The following DAB1 variants were observed in gnomAD, a reference collection of about 807,000 sequenced individuals.
DAB1 encodes the protein DAB adaptor protein 1.
DAB1 carries 15 observed loss-of-function variants against 64.6 expected under a neutral mutation model. That is an observed-to-expected ratio of 0.23 (90% confidence interval 0.16 to 0.36). DAB1 has a LOEUF of 0.36. Among genes scored for constraint, DAB1 ranks in the 10% least tolerant of loss-of-function variants. The pLI is 1.00. For missense variants in DAB1, 596 were observed against 706.7 expected (o/e 0.84, Z 1.78); for synonymous variants, 235 against 251.9 (o/e 0.93, Z 0.64).
At chr1:57,427,205 G>A (rs992237989), upstream of DAB1, among the ~76,000 whole-genome samples, 19 of 152,056 alleles carry the variant, frequency 1.2e-4, 1 homozygote, top group Non-Finnish European at 8.8e-5. Flanking sequence ...TCAGTCACCT[G>A]GTAAACATTG....
chr1:57,499,579 T>A lies in DAB1; in HGVS notation n.625+150013A>T, dbSNP rs527707073. On this transcript the variant is annotated intron_variant and non_coding_transcript_variant, in intron 7 of 20. Transcript: ENST00000485760. ...ACACCATGGAAAAGATTGGTTGAGT[T>A]TGTCCCGGACTGGTGTTTTTCTAGA... Among the ~76,000 whole-genome samples, 6 of 152,270 alleles carry A rather than the reference T, an allele frequency of 3.9e-5. No homozygotes were observed. In the South Asian group the frequency reaches 8.3e-4, roughly 21 times the overall value.
chr1:58,087,451 G>C (rs914630756), intron 5 of DAB1, among the ~76,000 whole-genome samples: 2 of 152,186 alleles, frequency 1.3e-5, no homozygotes, highest in Non-Finnish European at 2.9e-5. Flanking sequence ...TCAGCCAAAC[G>C]TGGCCCTTTT....
intron 6 of DAB1, among the ~76,000 whole-genome samples, chr1:57,729,778 T>C (rs903163396): frequency 6.6e-6 from 1 of 152,184 alleles, no homozygotes; most frequent in Non-Finnish European, 1.5e-5. Flanking sequence ...AAGAACCTTA[T>C]GTCCAGGCAT....
chr1:58,300,572 G>C (rs1338068424), intron 4 of DAB1, among the ~76,000 whole-genome samples: 1 of 13,912 alleles, frequency 7.2e-5, no homozygotes, highest in Non-Finnish European at 1.4e-4. Context: ...AAGAAAGAAA[G>C]AAAGAAAGAA....
At chr1:58,460,663 T>G (rs1175746792) in intron 3 of DAB1, among the ~76,000 whole-genome samples, 2 of 152,176 alleles carry the variant, frequency 1.3e-5, no homozygotes, top group Admixed American at 6.5e-5. Context: ...TTCCCACGCA[T>G]GTGTGTAGCT....
intron 2 of DAB1, among the ~76,000 whole-genome samples, chr1:57,289,448 C>T (rs974662199): frequency 6.6e-6 from 1 of 152,188 alleles, no homozygotes; most frequent in Non-Finnish European, 1.5e-5. Flanking sequence ...CTTTCACCCA[C>T]TTACTTTCTT....
chr1:58,080,676 G>C (rs1192489821), intron 5 of DAB1, among the ~76,000 whole-genome samples: 1 of 152,228 alleles, frequency 6.6e-6, no homozygotes, highest in Non-Finnish European at 1.5e-5. Context: ...AGCAGAGCTA[G>C]TTTTGTCTTG....
downstream of DAB1, among the ~76,000 whole-genome samples, chr1:57,824,019 A>G (rs1029389824): frequency 6.6e-6 from 1 of 152,202 alleles, no homozygotes; most frequent in Non-Finnish European, 1.5e-5. Context: ...TGTGCTGCTG[A>G]TGATAATAAT....
At chr1:57,117,986 C>T (rs983825555) in intron 4 of DAB1, among the ~76,000 whole-genome samples, 7 of 152,170 alleles carry the variant, frequency 4.6e-5, no homozygotes, top group African/African-American at 1.4e-4. Flanking sequence ...GCTAAGAATA[C>T]AGCCAGGCTG....
At chr1:58,124,407 C>T (rs1418615404) in intron 5 of DAB1, among the ~76,000 whole-genome samples, 3 of 152,012 alleles carry the variant, frequency 2.0e-5, no homozygotes, top group South Asian at 2.1e-4. Flanking sequence ...TCAACATTGG[C>T]GGCTACCCTG....
intron 4 of DAB1, among the ~76,000 whole-genome samples, chr1:58,250,929 A>G (rs747356831): frequency 1.3e-5 from 2 of 151,834 alleles, no homozygotes; most frequent in African/African-American, 2.4e-5. Flanking sequence ...GCAGACACAC[A>G]CTCTTCTGCA....
chr1:57,859,520 A>G (rs1653911472), intron 1 of DAB1, among the ~76,000 whole-genome samples: 1 of 152,166 alleles, frequency 6.6e-6, no homozygotes, highest in South Asian at 2.1e-4. Context: ...GAGGCTTAAC[A>G]ATTCCTCAGA....
chr1:58,005,608 TAA>T (rs5774389), intron 5 of DAB1, among the ~76,000 whole-genome samples: 241 of 132,918 alleles, frequency 1.8e-3, no homozygotes, highest in South Asian at 7.4e-3. Context: ...CTGCCTTGGT[TAA>T]AAAAAAAAAA....
intron 3 of DAB1, among the ~76,000 whole-genome samples, chr1:58,426,955 C>A (rs1644826570): frequency 6.6e-6 from 1 of 152,092 alleles, no homozygotes; most frequent in African/African-American, 2.4e-5. Context: ...AAGGTTTGAG[C>A]AAGACATTGA....
intron 7 of DAB1, among the ~76,000 whole-genome samples, chr1:57,634,051 CAGTT>C (rs1420722751): frequency 2.6e-5 from 4 of 152,138 alleles, no homozygotes; most frequent in Non-Finnish European, 5.9e-5. Flanking sequence ...TTAATCTAGG[CAGTT>C]AGTGCAGAAA....
intron 7 of DAB1, among the ~76,000 whole-genome samples, chr1:57,435,046 C>CTTTTTTTTTTTTTTTTTTTTTTT (rs71580850): frequency 1.3e-4 from 12 of 93,100 alleles, no homozygotes; most frequent in East Asian, 4.7e-4. Context: ...TTCTTTTTTT[C>CTTTTTTTTTTTTTTTTTTTTTTT]TTTTTTTTTT....
At chr1:57,015,575 C>T in intron 11 of DAB1, 144 bp from the exon 12 acceptor site, 6 of 715,314 alleles carry the variant, frequency 8.4e-6, no homozygotes, top group Non-Finnish European at 1.4e-5. Context: ...CCAAGATGAA[C>T]AAGACAAAGT....
chr1:58,218,728 T>C (rs577246012), intron 4 of DAB1, among the ~76,000 whole-genome samples: 1 of 152,278 alleles, frequency 6.6e-6, no homozygotes, highest in South Asian at 2.1e-4. Context: ...AATATTTAAA[T>C]TAAATGCTCA....
At chr1:58,506,744 GAAC>G (rs765123980) in intron 2 of DAB1, among the ~76,000 whole-genome samples, 3 of 151,964 alleles carry the variant, frequency 2.0e-5, no homozygotes, top group Non-Finnish European at 4.4e-5. Context: ...TATGCCACTA[GAAC>G]AATCAGAAAA....
Sources: allele counts gnomAD v4.1 joint callset (sites outside exome capture counted in the v4.1 genomes callset), GRCh38; gene constraint gnomAD v4.1.1; transcripts MANE v1.5; gene names NCBI Gene and HGNC (gene_info 2026-07-23, HGNC 2026-07-21).